The following CRACD variants were observed in gnomAD, a reference collection of about 807,000 sequenced individuals.
The protein encoded by CRACD is capping protein-inhibiting regulator of actin dynamics.
CRACD carries 56 observed loss-of-function variants against 106.8 expected under a neutral mutation model. The observed-to-expected ratio is 0.52, with a 90% confidence interval of 0.42 to 0.66. The LOEUF is 0.66. CRACD is among the 30% of genes least tolerant of loss of function. CRACD has a pLI of 0.00. For synonymous variants in CRACD, 754 were observed against 670.8 expected (o/e 1.12, Z -1.92); for missense variants, 1,730 against 1,623.2 (o/e 1.07, Z -1.13).
intron 1 of CRACD, among the ~76,000 whole-genome samples, chr4:56,125,764 C>CTTTT (rs11289899): frequency 2.1e-3 from 155 of 73,298 alleles, no homozygotes; most frequent in African/African-American, 2.5e-3. Context: ...CATTCTTCTT[C>CTTTT]TTTTTTTTTT....
chr4:56,083,852 C>G lies in CRACD; in HGVS notation c.-336+34553C>G, dbSNP rs147118100. On this transcript the variant is annotated intron_variant, in intron 1 of 10. Transcript: ENST00000682029. ...ATTAGCTGGGCGTGGTGGTGCACAT[C>G]TGTAGTCCCAGCTACTCTGGAGGCT... 7.3e-3 allele frequency among the ~76,000 whole-genome samples: 1,113 copies of G among 152,198 alleles called. 4 individuals are homozygous for G. Among genetic ancestry groups the G allele is most frequent in the Non-Finnish European group, 0.011 (765 of 68,010 alleles).
intron 1 of CRACD, among the ~76,000 whole-genome samples, chr4:56,078,421 T>C (rs1732913679): frequency 6.6e-6 from 1 of 152,170 alleles, no homozygotes; most frequent in Non-Finnish European, 1.5e-5. Flanking sequence ...TTTCCTTTCT[T>C]TTTGAGACAG....
At chr4:56,318,188 G>A (rs972538814) in intron 8 of CRACD, among the ~76,000 whole-genome samples, 12 of 152,032 alleles carry the variant, frequency 7.9e-5, no homozygotes, top group Non-Finnish European at 1.5e-4. Flanking sequence ...CTAGAGACAG[G>A]GTCTTGCTAT....
At chr4:56,159,079 C>T (rs1053756634) in intron 1 of CRACD, among the ~76,000 whole-genome samples, 4 of 152,132 alleles carry the variant, frequency 2.6e-5, no homozygotes, top group African/African-American at 7.2e-5. Flanking sequence ...GTTGTGACGA[C>T]GTCTCACCCC....
chr4:56,096,600 C>A (rs563353607), intron 1 of CRACD, among the ~76,000 whole-genome samples: 1 of 151,626 alleles, frequency 6.6e-6, no homozygotes, highest in East Asian at 1.9e-4. Context: ...TATAGTAGAT[C>A]CAGCCTGGTC....
chr4:56,210,979 T>C lies in CRACD; in HGVS notation c.-189+31549T>C, dbSNP rs146610594. ...TAGAATAAAGCATTTTATTTGCCTT[T>C]CTTGAAGAGTCTTTAAAAAATATTA... On this transcript the variant is annotated intron_variant, in intron 2 of 10. Coordinates refer to ENST00000682029, the MANE Select transcript of CRACD (RefSeq NM_001393381.1). Among the ~76,000 whole-genome samples the C allele has an allele frequency of 2.0e-5, 3 of 152,336 alleles. No individual in the cohort carries two copies. The East Asian group carries it at 5.8e-4, about 29-fold the overall frequency.
intron 2 of CRACD, among the ~76,000 whole-genome samples, chr4:56,230,035 A>G (rs1054468510): frequency 6.6e-6 from 1 of 152,216 alleles, no homozygotes; most frequent in African/African-American, 2.4e-5. Flanking sequence ...TTTTCTGCTT[A>G]TTATTTCCTT....
At chr4:56,261,321 A>C (rs897413549) in intron 2 of CRACD, among the ~76,000 whole-genome samples, 3 of 151,412 alleles carry the variant, frequency 2.0e-5, no homozygotes, top group African/African-American at 7.3e-5. Flanking sequence ...GAGGCTTCAC[A>C]TTAAAAATAT....
At chr4:56,245,647 C>T (rs1740638830) in intron 2 of CRACD, among the ~76,000 whole-genome samples, 1 of 152,160 alleles carries the variant, frequency 6.6e-6, no homozygotes, top group Non-Finnish European at 1.5e-5. Context: ...GCAAATCAAG[C>T]TCCTATTGTA....
At chr4:56,270,169 G>T (rs1043111569) in intron 2 of CRACD, among the ~76,000 whole-genome samples, 4 of 151,898 alleles carry the variant, frequency 2.6e-5, no homozygotes, top group African/African-American at 9.7e-5. Context: ...ACCTTATGCC[G>T]CTGCTTAGGA....
intron 1 of CRACD, among the ~76,000 whole-genome samples, chr4:56,077,470 G>A (rs1243366972): frequency 6.6e-6 from 1 of 152,188 alleles, no homozygotes; most frequent in Non-Finnish European, 1.5e-5. Flanking sequence ...TTGACACCTT[G>A]TCTTGTTACC....
At chr4:56,187,510 A>G (rs1737138444) in intron 2 of CRACD, among the ~76,000 whole-genome samples, 1 of 152,150 alleles carries the variant, frequency 6.6e-6, no homozygotes, top group Non-Finnish European at 1.5e-5. Context: ...GATCAAGCCT[A>G]TAGACTGTAC....
chr4:56,120,390 T>G (rs1243676710), intron 1 of CRACD, among the ~76,000 whole-genome samples: 2 of 152,314 alleles, frequency 1.3e-5, no homozygotes, highest in Admixed American at 1.3e-4. Context: ...TAATGTTTGT[T>G]GATTAAAGGA....
chr4:56,283,019 C>A (rs954859869), intron 3 of CRACD, among the ~76,000 whole-genome samples: 4 of 152,132 alleles, frequency 2.6e-5, no homozygotes, highest in African/African-American at 4.8e-5. Context: ...GTTTTGCTTT[C>A]CTTTGCAACC....
intron 1 of CRACD, among the ~76,000 whole-genome samples, chr4:56,050,763 A>AAG (rs200024922): frequency 5.3e-5 from 8 of 152,090 alleles, no homozygotes; most frequent in African/African-American, 1.9e-4. Flanking sequence ...GGCAGGGAAA[A>AAG]AATCATGTTA....
At chr4:56,299,436 G>A (rs1744235994) in intron 4 of CRACD, among the ~76,000 whole-genome samples, 1 of 151,982 alleles carries the variant, frequency 6.6e-6, no homozygotes, top group South Asian at 2.1e-4. Context: ...TTGGGAGGCC[G>A]AGGTGGGTGG....
At chr4:56,068,082 T>G (rs760862884) in intron 1 of CRACD, among the ~76,000 whole-genome samples, 4 of 151,412 alleles carry the variant, frequency 2.6e-5, no homozygotes. Flanking sequence ...TGGCCCAGAG[T>G]TGGGGAAAGA....
At chr4:56,232,931 A>G (rs966853952) in intron 2 of CRACD, among the ~76,000 whole-genome samples, 16 of 151,678 alleles carry the variant, frequency 1.1e-4, no homozygotes, top group African/African-American at 3.9e-4. Flanking sequence ...GTTTCACCAT[A>G]TCGAACAGGC....
At chr4:56,280,299 G>GA (rs937794605) in intron 3 of CRACD, among the ~76,000 whole-genome samples, 77 of 141,896 alleles carry the variant, frequency 5.4e-4, no homozygotes, top group Middle Eastern at 3.7e-3. Flanking sequence ...ATAATAAAAA[G>GA]AAAAAAAAAA....
Sources: gnomAD v4.1 joint callset for allele counts (sites outside exome capture counted in the v4.1 genomes callset) on GRCh38, gnomAD v4.1.1 for gene constraint, MANE v1.5 for transcripts, NCBI Gene and HGNC (gene_info 2026-07-23, HGNC 2026-07-21) for gene names.